The following ANTXR1 variants were observed in gnomAD, a reference collection of about 807,000 sequenced individuals.
ANTXR1 encodes the protein ANTXR cell adhesion molecule 1.
Under a neutral mutation model 78.1 loss-of-function variants are expected in ANTXR1, and 19 were observed. The ratio of observed to expected loss-of-function variants is 0.24; its 90% CI spans 0.17 to 0.36. The LOEUF (loss-of-function observed/expected upper bound fraction) is 0.36, where lower values mean the gene tolerates loss of function less well. Ranked by LOEUF, ANTXR1 falls within the 10% of genes least tolerant of loss-of-function variation. The pLI, the probability that ANTXR1 is intolerant of heterozygous loss-of-function variation, is 1.00. For synonymous variants in ANTXR1, 273 were observed against 260.5 expected (o/e 1.05, Z -0.46); for missense variants, 518 against 718.6 (o/e 0.72, Z 3.19).
intron 10 of ANTXR1, among the ~76,000 whole-genome samples, chr2:69,121,424 C>G (rs1490378882): frequency 6.6e-6 from 1 of 152,166 alleles, no homozygotes; most frequent in Non-Finnish European, 1.5e-5. Context: ...AACAAATGAC[C>G]TGGAATAACC....
intron 17 of ANTXR1, among the ~76,000 whole-genome samples, chr2:69,201,736 C>T (rs949150710): frequency 6.6e-6 from 1 of 152,094 alleles, no homozygotes; most frequent in African/African-American, 2.4e-5. Flanking sequence ...AGGATTTGGC[C>T]CAAGCGACAT....
intron 9 of ANTXR1, among the ~76,000 whole-genome samples, chr2:69,092,225 A>G (rs1026054172): frequency 2.0e-5 from 3 of 152,176 alleles, no homozygotes; most frequent in Non-Finnish European, 2.9e-5. Flanking sequence ...CAAACACTAC[A>G]CACATCAATG....
At chr2:69,115,606 CTT>C (rs1672116423) in intron 10 of ANTXR1, among the ~76,000 whole-genome samples, 1 of 152,196 alleles carries the variant, frequency 6.6e-6, no homozygotes, top group Non-Finnish European at 1.5e-5. Context: ...AGTCCAGGCT[CTT>C]AGTGTTCTCC....
intron 8 of ANTXR1, chr2:69,090,496 T>C (rs1671197410): frequency 3.0e-6 from 1 of 335,110 alleles, no homozygotes; most frequent in Non-Finnish European, 5.7e-6. Flanking sequence ...CCCTTGCACC[T>C]ACCAATAGGA....
At chr2:69,069,840 A>G (rs1670513986) in intron 3 of ANTXR1, among the ~76,000 whole-genome samples, 1 of 152,266 alleles carries the variant, frequency 6.6e-6, no homozygotes, top group Non-Finnish European at 1.5e-5. Flanking sequence ...CACTAAAAAG[A>G]CCCCAGCAGG....
At position 69,193,372 on chromosome 2, in the gene ANTXR1, G is replaced by C; in HGVS notation, c.1391G>C (p.Gly464Ala). The C allele has an allele frequency of 6.2e-7, 1 of 1,613,396 alleles. No homozygotes were observed. The highest frequency in any genetic ancestry group is 8.5e-7 in the Non-Finnish European group (1 of 1,179,710). Residue 464 changes from glycine to alanine, a missense_variant, in exon 17 of 18, where the codon GGA (glycine) becomes GCA (alanine). Transcript: ENST00000303714. ...LDALWVLLRK[G>A]YDRVSVMRPQ... ...GCCTTGTGGGTCCTACTGAGGAAAG[G>C]ATATGATCGTGTGTCTGTGATGCGT...
At chr2:69,152,771 G>A (rs539501384) in intron 13 of ANTXR1, among the ~76,000 whole-genome samples, 46 of 151,918 alleles carry the variant, frequency 3.0e-4, no homozygotes, top group Non-Finnish European at 6.2e-4. Context: ...ATTGATTTTG[G>A]CAACTTTTAT....
In ANTXR1 at chr2:69,221,436, G is replaced by T. The variant is rs572683956; in HGVS notation, c.1435-23789G>T. Among the ~76,000 whole-genome samples the T allele has an allele frequency of 7.9e-5, 12 of 152,286 alleles. No individual in the cohort carries two copies. The South Asian group carries it at 2.3e-3, about 29-fold the overall frequency. ...ATCATAATTCAGCTTTCATTTGAGT[G>T]AGAGTAAAAGGGGATCTAAGAATAA... On this transcript the variant is annotated intron_variant, in intron 17 of 17. Coordinates refer to ENST00000303714, the MANE Select transcript of ANTXR1 (RefSeq NM_032208.3).
At chr2:69,210,633 TG>T (rs1429357675) in intron 17 of ANTXR1, among the ~76,000 whole-genome samples, 1 of 152,120 alleles carries the variant, frequency 6.6e-6, no homozygotes, top group Non-Finnish European at 1.5e-5. Flanking sequence ...GGAGGAAAAT[TG>T]TACGTAAGAA....
At chr2:69,204,971 G>T (rs1298673759) in intron 17 of ANTXR1, among the ~76,000 whole-genome samples, 1 of 152,134 alleles carries the variant, frequency 6.6e-6, no homozygotes, top group Non-Finnish European at 1.5e-5. Flanking sequence ...CATTCATCCA[G>T]TTAATACATC....
At chr2:69,015,507 T>A (rs1463494899) in intron 1 of ANTXR1, among the ~76,000 whole-genome samples, 3 of 150,872 alleles carry the variant, frequency 2.0e-5, no homozygotes, top group South Asian at 2.1e-4. Context: ...TTCATTAATT[T>A]AAAAAAAAAT....
chr2:69,104,694 C>T (rs1671746129), intron 10 of ANTXR1, among the ~76,000 whole-genome samples: 1 of 152,186 alleles, frequency 6.6e-6, no homozygotes, highest in African/African-American at 2.4e-5. Context: ...AGCAGGCTTT[C>T]AGGCCCAAGC....
At chr2:69,041,039 G>A (rs1214081110) in intron 2 of ANTXR1, among the ~76,000 whole-genome samples, 1 of 152,196 alleles carries the variant, frequency 6.6e-6, no homozygotes, top group Non-Finnish European at 1.5e-5. Context: ...TAATTGGAGG[G>A]AAAGGGTTAG....
intron 10 of ANTXR1, among the ~76,000 whole-genome samples, chr2:69,121,868 G>A (rs752167359): frequency 4.6e-5 from 7 of 152,150 alleles, no homozygotes; most frequent in Non-Finnish European, 1.0e-4. Context: ...TCTGGCCCCA[G>A]AAACTGGGAT....
intron 17 of ANTXR1, among the ~76,000 whole-genome samples, chr2:69,241,589 A>G (rs761027236): frequency 2.6e-5 from 4 of 152,190 alleles, no homozygotes; most frequent in East Asian, 3.9e-4. Context: ...GAGAACAAAC[A>G]TAAGAGTGCA....
intron 12 of ANTXR1, among the ~76,000 whole-genome samples, chr2:69,151,173 A>ATCT (rs1039453559): frequency 1.4e-5 from 2 of 140,684 alleles, no homozygotes; most frequent in Non-Finnish European, 3.0e-5. Flanking sequence ...GTACAAACAT[A>ATCT]TCTGATTATT....
Position 69,073,134 on chromosome 2 carries a change from A to G in ANTXR1, c.492+33A>G, listed in dbSNP as rs1229041143. 2.5e-6 allele frequency: 4 copies of G among 1,602,432 alleles called. No individual in the cohort carries two copies. The Admixed American group carries it at 5.0e-5, about 20-fold the overall frequency. On this transcript the variant is annotated intron_variant, in intron 6 of 17. Coordinates refer to ENST00000303714, the MANE Select transcript of ANTXR1 (RefSeq NM_032208.3). ...ACGGCCTGGCTGTGTCTAAACATAT[A>G]CATGGAACGGGGCTTCTCCTTTCTA...
At chr2:69,175,219 G>C (rs1023819267) in intron 14 of ANTXR1, among the ~76,000 whole-genome samples, 1 of 152,182 alleles carries the variant, frequency 6.6e-6, no homozygotes, top group East Asian at 1.9e-4. Flanking sequence ...CATGGCCCTA[G>C]TGTGTAGCTA....
intron 17 of ANTXR1, among the ~76,000 whole-genome samples, chr2:69,198,290 C>A (rs767354804): frequency 1.4e-4 from 22 of 152,126 alleles, no homozygotes; most frequent in Non-Finnish European, 1.0e-4. Context: ...ATTAACGTAC[C>A]TATTTGATTG....
Sources: allele counts gnomAD v4.1 joint callset (sites outside exome capture counted in the v4.1 genomes callset), GRCh38; gene constraint gnomAD v4.1.1; transcripts MANE v1.5; gene names NCBI Gene and HGNC (gene_info 2026-07-23, HGNC 2026-07-21).